Variants in ZZZ3 observed in about 807,000 individuals in gnomAD.
The protein encoded by ZZZ3 is zinc finger ZZ-type containing 3.
Under a neutral mutation model 95.2 loss-of-function variants are expected in ZZZ3, and 22 were observed. The observed-to-expected ratio is 0.23, with a 90% confidence interval of 0.17 to 0.33. The LOEUF (loss-of-function observed/expected upper bound fraction) is 0.33. ZZZ3 is among the 10% of genes least tolerant of loss of function. The pLI is 1.00. For synonymous variants in ZZZ3, 335 were observed against 358.9 expected (o/e 0.93, Z 0.75); for missense variants, 885 against 1,066.5 (o/e 0.83, Z 2.37).
At chr1:77,622,489 C>T (rs556518895) in intron 5 of ZZZ3, among the ~76,000 whole-genome samples, 3 of 150,372 alleles carry the variant, frequency 2.0e-5, no homozygotes, top group African/African-American at 7.3e-5. Flanking sequence ...AAAAAGAAAA[C>T]CATCTACTAG....
At chr1:77,595,321 G>A (rs1377739321) in intron 5 of ZZZ3, among the ~76,000 whole-genome samples, 1 of 152,042 alleles carries the variant, frequency 6.6e-6, no homozygotes, top group African/African-American at 2.4e-5. Flanking sequence ...CATGATGAAT[G>A]CATAAGCATG....
intron 1 of ZZZ3, among the ~76,000 whole-genome samples, chr1:77,664,595 A>T (rs1671099781): frequency 6.6e-6 from 1 of 152,146 alleles, no homozygotes; most frequent in African/African-American, 2.4e-5. Flanking sequence ...TTAATTCCAC[A>T]CTTTTAAGCA....
At chr1:77,673,016 C>G (rs1375877609) in intron 1 of ZZZ3, among the ~76,000 whole-genome samples, 1 of 152,102 alleles carries the variant, frequency 6.6e-6, no homozygotes, top group Non-Finnish European at 1.5e-5. Flanking sequence ...GACTGAAGTA[C>G]AGGACTGCTA....
rs1355458416 is a variant in ZZZ3, at chr1:77,639,584, TAG to T, written c.-189_-188del. The T allele has an allele frequency of 6.3e-6, 4 of 633,488 alleles. No individual in the cohort carries two copies. The highest frequency in any genetic ancestry group is 9.6e-6 in the Non-Finnish European group (4 of 415,408). The allele number at this position is 633,488 out of a possible 1,614,324, so 39.2% of individuals were successfully genotyped here. ...TCTCAGCTTCAGCCATGAAGAATAC[TAG>T]AACCTCCTAAATTTTTCTTTAAAAT... On this transcript the variant is annotated 5_prime_UTR_variant, in exon 4 of 15. Transcript: ENST00000370801.
At chr1:77,598,633 A>G (rs1664441127) in intron 5 of ZZZ3, among the ~76,000 whole-genome samples, 1 of 152,164 alleles carries the variant, frequency 6.6e-6, no homozygotes, top group African/African-American at 2.4e-5. Flanking sequence ...TTACCTTTTT[A>G]TGTTAGCAAA....
chr1:77,606,173 G>A (rs568508923), intron 5 of ZZZ3, among the ~76,000 whole-genome samples: 2 of 152,288 alleles, frequency 1.3e-5, no homozygotes, highest in East Asian at 3.9e-4. Context: ...GAGGCCTTGG[G>A]CCTTCAGTGA....
intron 1 of ZZZ3, among the ~76,000 whole-genome samples, chr1:77,665,329 A>G (rs1261879453): frequency 6.6e-6 from 1 of 152,210 alleles, no homozygotes; most frequent in Non-Finnish European, 1.5e-5. Flanking sequence ...TCAAGCTGAT[A>G]AACAGCCTGT....
intron 12 of ZZZ3, among the ~76,000 whole-genome samples, chr1:77,568,899 A>C (rs1461257615): frequency 1.3e-5 from 2 of 152,168 alleles, no homozygotes; most frequent in African/African-American, 4.8e-5. Flanking sequence ...ATAACAAGCA[A>C]ACCAACCTCT....
intron 5 of ZZZ3, among the ~76,000 whole-genome samples, chr1:77,627,694 A>G (rs1250727040): frequency 1.3e-5 from 2 of 152,218 alleles, no homozygotes; most frequent in African/African-American, 2.4e-5. Context: ...AGAGTACCTG[A>G]GCAACACTCT....
chr1:77,651,297 A>G (rs1485739666), intron 1 of ZZZ3, among the ~76,000 whole-genome samples: 1 of 152,152 alleles, frequency 6.6e-6, no homozygotes, highest in Non-Finnish European at 1.5e-5. Context: ...AGGTGGGAGG[A>G]TCACTTGAGC....
At chr1:77,638,961 A>G (rs1306204501) in intron 4 of ZZZ3, among the ~76,000 whole-genome samples, 2 of 152,186 alleles carry the variant, frequency 1.3e-5, no homozygotes, top group African/African-American at 2.4e-5. Context: ...AAGGTTCTTA[A>G]ATAGTCACCT....
chr1:77,682,417 T>A (rs1410381655), intron 1 of ZZZ3, among the ~76,000 whole-genome samples, 168 bp downstream of exon 1: 1 of 152,152 alleles, frequency 6.6e-6, no homozygotes. Context: ...AGGACCTGGC[T>A]GAGGGGTGCA....
chr1:77,632,086 T>C lies in ZZZ3; in HGVS notation c.1269A>G (p.Val423=). ...NETNATVSDN[V]SQSPTNPGEI... ...CACCAGGATTTGTAGGAGATTGACT[T>C]ACATTATCACTAACAGTTGCATTTG... is the stretch of plus-strand genomic sequence containing the variant. Residue 423 remains valine, a synonymous_variant, in exon 5 of 15, where the codon GTA becomes GTG. Transcript: ENST00000370801. 2 of 1,614,134 alleles carry C rather than the reference T, an allele frequency of 1.2e-6. No homozygotes were observed. The highest frequency in any genetic ancestry group is 1.6e-4 in the Middle Eastern group (1 of 6,062).
At chr1:77,572,058 C>T (rs185760949) in intron 12 of ZZZ3, among the ~76,000 whole-genome samples, 27 of 152,220 alleles carry the variant, frequency 1.8e-4, no homozygotes, top group African/African-American at 6.0e-4. Flanking sequence ...TTCGAAGCCA[C>T]GGGTAAATAA....
chr1:77,667,268 T>C (rs1310005630), intron 1 of ZZZ3, among the ~76,000 whole-genome samples: 1 of 152,226 alleles, frequency 6.6e-6, no homozygotes, highest in Non-Finnish European at 1.5e-5. Context: ...TGACACTTCA[T>C]TGCTCTAAGT....
At chr1:77,598,180 CAT>C (rs1664396031) in intron 5 of ZZZ3, among the ~76,000 whole-genome samples, 1 of 152,082 alleles carries the variant, frequency 6.6e-6, no homozygotes, top group Admixed American at 6.5e-5. Context: ...TACCATATAA[CAT>C]AAACAGTCGA....
At chr1:77,635,554 ATAATT>A (rs1041984659) in intron 4 of ZZZ3, among the ~76,000 whole-genome samples, 2 of 152,262 alleles carry the variant, frequency 1.3e-5, no homozygotes, top group Non-Finnish European at 2.9e-5. Flanking sequence ...TGAGTGTCCC[ATAATT>A]TTCCACTTTT....
chr1:77,669,174 T>C (rs1032072249), intron 1 of ZZZ3, among the ~76,000 whole-genome samples: 1 of 152,158 alleles, frequency 6.6e-6, no homozygotes, highest in African/African-American at 2.4e-5. Flanking sequence ...AAACACACAG[T>C]AGTTTTCCAG....
chr1:77,596,604 G>A (rs1196924701), intron 5 of ZZZ3, among the ~76,000 whole-genome samples: 2 of 152,058 alleles, frequency 1.3e-5, no homozygotes, highest in Admixed American at 1.3e-4. Flanking sequence ...CTGAGGGGCA[G>A]GAAGAAAAGG....
Sources: gnomAD v4.1 joint callset for allele counts (sites outside exome capture counted in the v4.1 genomes callset) on GRCh38, gnomAD v4.1.1 for gene constraint, MANE v1.5 for transcripts, NCBI Gene and HGNC (gene_info 2026-07-23, HGNC 2026-07-21) for gene names.